Variants in GSK3A observed in about 807,000 individuals in gnomAD.
GSK3A encodes the protein glycogen synthase kinase 3 alpha.
Under a neutral mutation model 56.6 loss-of-function variants are expected in GSK3A, and 14 were observed. The observed-to-expected ratio is 0.25, with a 90% CI of 0.16 to 0.39. The LOEUF (loss-of-function observed/expected upper bound fraction) is 0.39, where lower values mean the gene tolerates loss of function less well. GSK3A is among the 10% of genes least tolerant of loss of function. The pLI, the probability that GSK3A is intolerant of heterozygous loss-of-function variation, is 1.00. For synonymous variants in GSK3A, 301 were observed against 285.0 expected (o/e 1.06, Z -0.56); for missense variants, 450 against 656.0 (o/e 0.69, Z 3.43).
intron 3 of GSK3A, 40 bp from the exon 4 acceptor site, chr19:42,236,756 G>T (rs202049831): frequency 6.5e-7 from 1 of 1,534,166 alleles, no homozygotes; most frequent in Non-Finnish European, 9.0e-7. Flanking sequence ...ACTGTGAGAA[G>T]AGTGAGGAGG....
At chr19:42,236,774 A>T (rs139477078) in intron 3 of GSK3A, 58 bp from the exon 4 acceptor site, 918 of 1,499,510 alleles carry the variant, frequency 6.1e-4, no homozygotes, top group Non-Finnish European at 8.0e-4. Context: ...AGGGGGAAGG[A>T]AGGTATGCAG....
chr19:42,231,034 C>T (rs1278126992), intron 10 of GSK3A, among the ~76,000 whole-genome samples, 167 bp from the exon 11 acceptor site: 1 of 152,212 alleles, frequency 6.6e-6, no homozygotes, highest in African/African-American at 2.4e-5. Flanking sequence ...ACGATAGTAA[C>T]TGAGTGACAC....
At chr19:42,231,942 C>T in intron 10 of GSK3A, 115 bp downstream of exon 10, 1 of 614,886 alleles carries the variant, frequency 1.6e-6, no homozygotes, top group Non-Finnish European at 2.9e-6. Context: ...TTTCCTATGC[C>T]ATCAAAATGT....
chr19:42,232,986 G>T (rs1185977564), intron 8 of GSK3A, 124 bp downstream of exon 8: 2 of 686,786 alleles, frequency 2.9e-6, no homozygotes, highest in Non-Finnish European at 5.1e-6. Flanking sequence ...GGATGTTATT[G>T]ATCCCTGGAT....
Position 42,233,333 on chromosome 19 carries a change from T to C in GSK3A, c.955A>G (p.Ile319Val), listed in dbSNP as rs749580672. 2.5e-6 allele frequency: 4 copies of C among 1,573,988 alleles called. No homozygotes were observed. The highest frequency in any genetic ancestry group is 3.5e-6 in the Non-Finnish European group (4 of 1,158,318). The change falls in exon 7 of 11, where the codon ATC (isoleucine) becomes GTC (valine). Residue 319 changes from isoleucine to valine, a missense_variant. Around this residue, in one of 3 missense-constraint regions of GSK3A, gnomAD observed 144 missense variants for 308.0 expected, o/e 0.47. Transcript: ENST00000222330. ...VLAELLLGQP[I>V]FPGDSGVDQL... ...TCCACCCCACTGTCCCCAGGGAAGA[T>C]GGGCTGGCCCAAGAGGAGCTCTGCC...
chr19:42,239,744 A>G (rs1335313825), intron 2 of GSK3A, among the ~76,000 whole-genome samples: 1 of 152,228 alleles, frequency 6.6e-6, no homozygotes, highest in Non-Finnish European at 1.5e-5. Flanking sequence ...GAATTTGCTT[A>G]TTAAGCACTT....
At position 42,233,330 on chromosome 19, in the gene GSK3A, A is replaced by G. The variant is rs777426805; in HGVS notation, c.958T>C (p.Phe320Leu). The change falls in exon 7 of 11, where the codon TTC (phenylalanine) becomes CTC (leucine). Residue 320 changes from phenylalanine (F) to leucine (L), a missense_variant. Around this residue, in one of 3 missense-constraint regions of GSK3A, gnomAD observed 144 missense variants for 308.0 expected, o/e 0.47. Transcript: ENST00000222330. ...LAELLLGQPI[F>L]PGDSGVDQLV... ...TGGTCCACCCCACTGTCCCCAGGGAAGATGGGCTGGCCCAAGAGGAGCTCT... is the reference window on the plus strand; with the variant it reads ...TGGTCCACCCCACTGTCCCCAGGGAGGATGGGCTGGCCCAAGAGGAGCTCT... 6.3e-7 allele frequency: 1 copy of G among 1,593,232 alleles called. No homozygotes were observed. Among genetic ancestry groups the G allele is most frequent in the Non-Finnish European group, 8.6e-7 (1 of 1,168,870 alleles).
At chr19:42,232,778 CTGGT>C (rs1304685958) in intron 8 of GSK3A, 96 bp from the exon 9 acceptor site, 2 of 1,049,124 alleles carry the variant, frequency 1.9e-6, no homozygotes, top group Non-Finnish European at 2.7e-6. Context: ...CAAGTTATGA[CTGGT>C]TGCTTCCCAC....
Position 42,240,051 on chromosome 19 carries a change from A to T in GSK3A, c.375T>A (p.Ile125=). Residue 125 remains isoleucine (I), a synonymous_variant, in exon 2 of 11, where the codon ATT becomes ATA. Coordinates refer to ENST00000222330, the MANE Select transcript of GSK3A (RefSeq NM_019884.3). ...ACACGACCCCAAATGAGCCATTGCC[A>T]ATCACTTTGATGTCCGTGTAAGCCA... is the stretch of plus-strand genomic sequence containing the variant. The part of the protein sequence containing the change: ...QEVAYTDIKV[I]GNGSFGVVYQ... 6.2e-7 allele frequency: 1 copy of T among 1,614,156 alleles called. No homozygotes were observed. The highest frequency in any genetic ancestry group is 8.5e-7 in the Non-Finnish European group (1 of 1,180,016).
chr19:42,232,995 A>G (rs1258487945), intron 8 of GSK3A, 115 bp downstream of exon 8: 3 of 713,058 alleles, frequency 4.2e-6, no homozygotes, highest in Non-Finnish European at 7.3e-6. Context: ...TGATCCCTGG[A>G]TAACTCTTCA....
chr19:42,232,664 G>A lies in GSK3A; in HGVS notation c.1117C>T (p.Pro373Ser). 6.3e-7 allele frequency: 1 copy of A among 1,584,500 alleles called. No homozygotes were observed. Among genetic ancestry groups the A allele is most frequent in the Non-Finnish European group, 8.6e-7 (1 of 1,162,456 alleles). The change falls in exon 9 of 11, where the codon CCG becomes TCG. Residue 373 changes from proline (P) to serine (S), a missense_variant. Transcript: ENST00000222330. Reference protein sequence around the residue: ...PWTKVFKSRTPPEAIALCSSL... With the variant: ...PWTKVFKSRTSPEAIALCSSL... ...GAGCAGAGCGCGATGGCCTCTGGCG[G>A]CGTTCGAGATTTGAACACCTGAGGG...
chr19:42,239,683 G>A (rs973347959), intron 2 of GSK3A, among the ~76,000 whole-genome samples: 8 of 152,128 alleles, frequency 5.3e-5, no homozygotes, highest in Non-Finnish European at 8.8e-5. Flanking sequence ...CACTTAGAAT[G>A]GGTATAACCA....
chr19:42,235,547 C>T (rs1347149513), intron 4 of GSK3A, among the ~76,000 whole-genome samples: 1 of 152,150 alleles, frequency 6.6e-6, no homozygotes, highest in African/African-American at 2.4e-5. Context: ...CTTCCTAGGC[C>T]CCCTTCCTTT....
At chr19:42,236,431 C>T (rs577216249) in intron 4 of GSK3A, among the ~76,000 whole-genome samples, 175 bp downstream of exon 4, 67 of 152,198 alleles carry the variant, frequency 4.4e-4, no homozygotes, top group African/African-American at 1.5e-3. Context: ...CTGCCTTGGC[C>T]CTCCCCTGTG....
chr19:42,241,918 G>A (rs1599814466), intron 1 of GSK3A: 2 of 364,566 alleles, frequency 5.5e-6, no homozygotes, highest in East Asian at 8.0e-5. Flanking sequence ...TAAGGCTCAA[G>A]GACCCAAGAC....
chr19:42,237,482 C>A (rs1052423853), intron 2 of GSK3A, among the ~76,000 whole-genome samples: 1 of 151,888 alleles, frequency 6.6e-6, no homozygotes, highest in Non-Finnish European at 1.5e-5. Context: ...GGCACCGCGC[C>A]CAGCCACCCC....
intron 2 of GSK3A, 50 bp from the exon 3 acceptor site, chr19:42,236,991 TC>T: frequency 7.9e-7 from 1 of 1,258,334 alleles, no homozygotes; most frequent in Non-Finnish European, 1.2e-6. Flanking sequence ...TCTCGGCTGC[TC>T]CTCCCTACTC....
At position 42,242,330 on chromosome 19, in the gene GSK3A, T is replaced by TGCCGCCTGGGCCGGAGGCCGA. The variant is rs1385930740; in HGVS notation, c.115_135dup (p.Ser39_Gly45dup). 5 of 1,430,898 alleles carry TGCCGCCTGGGCCGGAGGCCGA rather than the reference T, an allele frequency of 3.5e-6. No individual in the cohort carries two copies. Among genetic ancestry groups the TGCCGCCTGGGCCGGAGGCCGA allele is most frequent in the South Asian group, 1.4e-5 (1 of 71,368 alleles). The allele number at this position is 1,430,898 out of a possible 1,614,324, so 88.6% of individuals were successfully genotyped here. A position where few individuals can be genotyped will look rare whatever the true frequency, so the allele number is the denominator to read the frequency against. On this transcript the variant is annotated inframe_insertion, in exon 1 of 11. Coordinates refer to ENST00000222330, the MANE Select transcript of GSK3A (RefSeq NM_019884.3). ...CCGACAGATGCCTTTCCGCCGCCGG[T>TGCCGCCTGGGCCGGAGGCCGA]GCCGCCTGGGCCGGAGGCCGAGCCT... is the stretch of plus-strand genomic sequence containing the variant.
chr19:42,236,977 A>G (rs757164799), intron 2 of GSK3A, 36 bp from the exon 3 acceptor site: 1 of 1,412,342 alleles, frequency 7.1e-7, no homozygotes, highest in Non-Finnish European at 1.0e-6. Flanking sequence ...AATACAACCA[A>G]CTCTCTCGGC....
Sources: gnomAD v4.1 joint callset for allele counts (sites outside exome capture counted in the v4.1 genomes callset) on GRCh38, gnomAD v4.1.1 for gene constraint, gnomAD v4.1.1 regional missense constraint, MANE v1.5 for transcripts, NCBI Gene and HGNC (gene_info 2026-07-23, HGNC 2026-07-21) for gene names.